Variants in RBFOX1 observed in about 807,000 individuals in gnomAD.
RBFOX1 encodes the protein RNA binding protein fox-1 homolog 1.
In RBFOX1, 8 loss-of-function variants were observed where a neutral mutation model predicts 57.7. That is an observed-to-expected ratio of 0.14 (90% CI 0.08 to 0.25). The LOEUF (loss-of-function observed/expected upper bound fraction) is 0.25, where lower values mean the gene tolerates loss of function less well. Ranked by LOEUF, RBFOX1 falls within the 10% of genes least tolerant of loss-of-function variation. RBFOX1 has a pLI of 1.00. For missense variants in RBFOX1, 611 were observed against 548.5 expected (o/e 1.11, Z -1.14); for synonymous variants, 326 against 222.4 (o/e 1.47, Z -4.15).
intron 2 of RBFOX1, among the ~76,000 whole-genome samples, chr16:6,327,203 T>C (rs2082476373): frequency 6.6e-6 from 1 of 152,180 alleles, no homozygotes; most frequent in South Asian, 2.1e-4. Flanking sequence ...ATTTCTTCCC[T>C]GAAGCTGCTT....
chr16:7,497,153 C>T lies in RBFOX1; in HGVS notation c.28-20994C>T, dbSNP rs551321345. 8.5e-5 allele frequency among the ~76,000 whole-genome samples: 13 copies of T among 152,324 alleles called. No individual in the cohort carries two copies. The Middle Eastern group carries it at 0.01, about 120-fold the overall frequency. On this transcript the variant is annotated intron_variant, in intron 4 of 15. Transcript: ENST00000550418. ...GGAACTCTTCAATGGCCTCCCGTTA[C>T]TTAAAGGATCAAATACAAACTACTT... is the stretch of plus-strand genomic sequence containing the variant.
intron 2 of RBFOX1, among the ~76,000 whole-genome samples, chr16:6,575,230 T>C (rs1438074269): frequency 6.6e-6 from 1 of 152,174 alleles, no homozygotes; most frequent in African/African-American, 2.4e-5. Flanking sequence ...ATCATAACTC[T>C]GATAAAGATA....
intron 1 of RBFOX1, among the ~76,000 whole-genome samples, chr16:6,175,768 T>A (rs1016782381): frequency 7.9e-5 from 12 of 152,182 alleles, no homozygotes; most frequent in Non-Finnish European, 1.6e-4. Context: ...TGGACTGCAC[T>A]TTGAGTAGCC....
intron 2 of RBFOX1, among the ~76,000 whole-genome samples, chr16:5,500,557 T>A (rs2043159085): frequency 6.6e-6 from 1 of 152,120 alleles, no homozygotes; most frequent in Admixed American, 6.5e-5. Context: ...ATGCAGCTGC[T>A]AAACTTACTT....
chr16:7,352,279 T>C (rs889836188), intron 4 of RBFOX1, among the ~76,000 whole-genome samples: 1 of 152,168 alleles, frequency 6.6e-6, no homozygotes, highest in African/African-American at 2.4e-5. Flanking sequence ...TCTTTGCACG[T>C]GTCTTTAAAC....
chr16:6,408,531 A>G (rs143732117), intron 2 of RBFOX1, among the ~76,000 whole-genome samples: 24 of 152,254 alleles, frequency 1.6e-4, no homozygotes, highest in African/African-American at 5.8e-4. Flanking sequence ...GGAAGCAGAC[A>G]CTTTGACTTT....
chr16:5,267,677 C>G (rs561782327), intron 1 of RBFOX1, among the ~76,000 whole-genome samples: 3 of 152,192 alleles, frequency 2.0e-5, no homozygotes, highest in Non-Finnish European at 2.9e-5. Context: ...GAAATATGCA[C>G]AATTTCTGGA....
chr16:6,118,972 C>T (rs561025457), intron 1 of RBFOX1, among the ~76,000 whole-genome samples: 1 of 151,256 alleles, frequency 6.6e-6, no homozygotes, highest in South Asian at 2.1e-4. Flanking sequence ...GACCATTTTA[C>T]CTTAGTTCCC....
At chr16:6,844,556 A>T (rs556192504) in intron 3 of RBFOX1, among the ~76,000 whole-genome samples, 23 of 151,854 alleles carry the variant, frequency 1.5e-4, no homozygotes, top group African/African-American at 5.1e-4. Flanking sequence ...GTGTATATGT[A>T]CGACTTTTTT....
chr16:5,572,450 G>C (rs1273720416), intron 2 of RBFOX1, among the ~76,000 whole-genome samples: 1 of 152,120 alleles, frequency 6.6e-6, no homozygotes, highest in Admixed American at 6.5e-5. Flanking sequence ...TTTGTTGTGG[G>C]AGGCTCTTCT....
At chr16:6,643,328 G>A (rs1568013215) in intron 2 of RBFOX1, among the ~76,000 whole-genome samples, 1 of 152,164 alleles carries the variant, frequency 6.6e-6, no homozygotes, top group African/African-American at 2.4e-5. Flanking sequence ...GAATGGAAAA[G>A]GAAGTGAATA....
chr16:6,076,113 A>G (rs2095895712), intron 1 of RBFOX1, among the ~76,000 whole-genome samples: 1 of 152,102 alleles, frequency 6.6e-6, no homozygotes, highest in South Asian at 2.1e-4. Flanking sequence ...AGCCTGACCA[A>G]CATGGAGAAA....
At chr16:7,233,727 T>A (rs2093628564) in intron 4 of RBFOX1, among the ~76,000 whole-genome samples, 1 of 152,222 alleles carries the variant, frequency 6.6e-6, no homozygotes, top group African/African-American at 2.4e-5. Context: ...ATTTATGGTA[T>A]ATGTGTCAGA....
chr16:6,029,433 T>C (rs1302554259), intron 1 of RBFOX1, among the ~76,000 whole-genome samples: 1 of 152,154 alleles, frequency 6.6e-6, no homozygotes, highest in Non-Finnish European at 1.5e-5. Flanking sequence ...TGAAAGAGGA[T>C]AGACTATTTA....
At chr16:6,934,665 C>T (rs776511841) in intron 3 of RBFOX1, among the ~76,000 whole-genome samples, 1 of 152,040 alleles carries the variant, frequency 6.6e-6, no homozygotes, top group African/African-American at 2.4e-5. Flanking sequence ...ACCATATTCT[C>T]ACTCATATGT....
At chr16:5,979,016 C>A (rs1167135505) in intron 4 of RBFOX1, among the ~76,000 whole-genome samples, 1 of 152,184 alleles carries the variant, frequency 6.6e-6, no homozygotes, top group Non-Finnish European at 1.5e-5. Context: ...TAGGCCTAGG[C>A]CCCTCTCGCC....
intron 3 of RBFOX1, among the ~76,000 whole-genome samples, chr16:6,883,545 C>T (rs545236567): frequency 2.6e-5 from 4 of 152,210 alleles, no homozygotes; most frequent in African/African-American, 9.6e-5. Context: ...AAACGGCACA[C>T]TGCCATATGT....
At chr16:6,393,071 A>T (rs2092677474) in intron 2 of RBFOX1, among the ~76,000 whole-genome samples, 1 of 152,226 alleles carries the variant, frequency 6.6e-6, no homozygotes, top group Admixed American at 6.5e-5. Flanking sequence ...GCACTCTGCC[A>T]TACTTACACT....
intron 1 of RBFOX1, among the ~76,000 whole-genome samples, chr16:6,204,943 A>G (rs868226702): frequency 3.9e-5 from 6 of 152,340 alleles, no homozygotes; most frequent in Middle Eastern, 6.8e-3. Context: ...TTAACCTTCA[A>G]AGCTAACTCT....
Sources: gnomAD v4.1 joint callset for allele counts (sites outside exome capture counted in the v4.1 genomes callset) on GRCh38, gnomAD v4.1.1 for gene constraint, MANE v1.5 for transcripts, NCBI Gene and HGNC (gene_info 2026-07-23, HGNC 2026-07-21) for gene names.